Variants in SLC16A1 observed in about 807,000 individuals in gnomAD.
The protein encoded by SLC16A1 is monocarboxylate transporter 1.
In SLC16A1, 11 loss-of-function variants were observed where a neutral mutation model predicts 32.2. The observed-to-expected ratio is 0.34, with a 90% confidence interval of 0.21 to 0.56. The LOEUF (loss-of-function observed/expected upper bound fraction) is 0.56. SLC16A1 is among the 20% of genes least tolerant of loss of function. The pLI is 0.87. For missense variants in SLC16A1, 435 were observed against 615.0 expected, an observed-to-expected ratio of 0.71 and a Z score of 3.10; for synonymous variants, 231 against 226.8, an observed-to-expected ratio of 1.02 and a Z score of -0.17.
intron 1 of SLC16A1, among the ~76,000 whole-genome samples, chr1:112,954,259 G>T (rs1650001140): frequency 6.6e-6 from 1 of 152,184 alleles, no homozygotes; most frequent in Admixed American, 6.6e-5. Context: ...AAGGAGCTGA[G>T]AAATCTATTT....
chr1:112,926,040 G>A (rs1648928877), intron 2 of SLC16A1, among the ~76,000 whole-genome samples: 1 of 152,110 alleles, frequency 6.6e-6, no homozygotes, highest in South Asian at 2.1e-4. Context: ...ATTGTTGAAA[G>A]AATAAAAAAT....
At chr1:112,922,243 A>G in intron 2 of SLC16A1, 110 bp from the exon 3 acceptor site, 9 of 1,024,096 alleles carry the variant, frequency 8.8e-6, no homozygotes, top group Admixed American at 2.0e-5. Context: ...AGCAGCAATG[A>G]TAAGAATATT....
intron 3 of SLC16A1, among the ~76,000 whole-genome samples, chr1:112,920,057 A>C (rs1420739453): frequency 6.6e-6 from 1 of 152,248 alleles, no homozygotes; most frequent in Non-Finnish European, 1.5e-5. Flanking sequence ...GTTGTTGCTC[A>C]ATAAATATTT....
At chr1:112,954,755 C>T (rs573807948) in intron 1 of SLC16A1, among the ~76,000 whole-genome samples, 30 of 152,260 alleles carry the variant, frequency 2.0e-4, no homozygotes, top group South Asian at 1.2e-3. Flanking sequence ...AAATGAATTA[C>T]TGAAATATAT....
chr1:112,917,249 C>G lies in SLC16A1; in HGVS notation c.1157G>C (p.Arg386Thr), dbSNP rs773868602. 7.4e-6 allele frequency: 12 copies of G among 1,614,176 alleles called. No homozygotes were observed. The Admixed American group carries it at 1.0e-4, about 13-fold the overall frequency. The change falls in exon 4 of 5, where the codon AGG becomes ACG. Residue 386 changes from arginine (R) to threonine (T), a missense_variant. Physicochemically the swap from Arg to Thr is moderately conservative, Grantham distance 71 (BLOSUM62 -1). Transcript: ENST00000369626. The surrounding 1 kb of genome is among the most constrained non-coding windows in gnomAD (Gnocchi z 4.1). ...CACCAATCCCACAGCGCTGGAGAAC[C>G]TCTGGGGTCCAACAAGGTCCATCAA... is the stretch of plus-strand genomic sequence containing the variant. ...ETLMDLVGPQ[R>T]FSSAVGLVTI...
At position 112,914,053 on chromosome 1, in the gene SLC16A1, A is replaced by G; in HGVS notation, c.1341T>C (p.Leu447=). The G allele has an allele frequency of 6.2e-7, 1 of 1,614,138 alleles. No individual in the cohort carries two copies. The highest frequency in any genetic ancestry group is 1.3e-5 in the African/African-American group (1 of 75,024). Residue 447 remains leucine, a synonymous_variant, in exon 5 of 5, where the codon CTT becomes CTC. Coordinates refer to ENST00000369626, the MANE Select transcript of SLC16A1 (RefSeq NM_003051.4). ...CGTTTGCTTTCTGTTCTTTTGCCAA[A>G]AGTCGATAATTGATGCCCATGCCAA... ...LFIGMGINYR[L]LAKEQKANEQ... is the part of the protein sequence containing the mutation.
At position 112,918,265 on chromosome 1, in the gene SLC16A1, C is replaced by T. The variant is rs370336565; in HGVS notation, c.362-221G>A. ...CTCAGACATGTATACCCTCCTATGA[C>T]TGCTTCCTAATATGTAAAACGGGCA... On this transcript the variant is annotated intron_variant, in intron 3 of 4. Coordinates refer to ENST00000369626, the MANE Select transcript of SLC16A1 (RefSeq NM_003051.4). Among the ~76,000 whole-genome samples the T allele has an allele frequency of 1.5e-4, 23 of 152,278 alleles. No individual in the cohort carries two copies. The South Asian group carries it at 4.3e-3, about 29-fold the overall frequency.
intron 1 of SLC16A1, among the ~76,000 whole-genome samples, chr1:112,935,344 G>GGCAGAC (rs1001461701): frequency 3.7e-4 from 56 of 152,188 alleles, no homozygotes; most frequent in African/African-American, 1.4e-3. Flanking sequence ...GAACCTGGGA[G>GGCAGAC]GTTGCAGTGA....
chr1:112,941,628 A>ATTC (rs1394339147), intron 1 of SLC16A1, among the ~76,000 whole-genome samples: 2 of 152,130 alleles, frequency 1.3e-5, no homozygotes, highest in African/African-American at 4.8e-5. Context: ...CTTGGAGAGC[A>ATTC]TTCTCCAAAC....
chr1:112,951,131 C>T (rs1480755582), intron 1 of SLC16A1, among the ~76,000 whole-genome samples: 1 of 152,008 alleles, frequency 6.6e-6, no homozygotes, highest in Non-Finnish European at 1.5e-5. Flanking sequence ...AGGAACCAAA[C>T]ATGCCACCTA....
At position 112,917,956 on chromosome 1, in the gene SLC16A1, G is replaced by A; in HGVS notation, c.450C>T (p.Ala150=). 1 of 1,588,950 alleles carries A rather than the reference G, an allele frequency of 6.3e-7. No individual in the cohort carries two copies. Among genetic ancestry groups the A allele is most frequent in the Non-Finnish European group, 8.5e-7 (1 of 1,173,530 alleles). The part of the protein sequence containing the change: ...YKRRPLANGL[A]MAGSPVFLCT... Reference sequence around the variant, plus strand: ...AGAGGAACACAGGGCTGCCTGCCATGGCCAGTCCGTTGGCCAATGGTCGCC... The same window carrying A: ...AGAGGAACACAGGGCTGCCTGCCATAGCCAGTCCGTTGGCCAATGGTCGCC... The change falls in exon 4 of 5, where the codon GCC becomes GCT. Residue 150 remains alanine (A), a synonymous_variant. Transcript: ENST00000369626. This position sits in a 1 kb window ranked among gnomAD's most constrained non-coding sequence, Gnocchi z 4.1.
At chr1:112,914,548 TTC>T (rs1480990134) in intron 4 of SLC16A1, among the ~76,000 whole-genome samples, 1 of 152,214 alleles carries the variant, frequency 6.6e-6, no homozygotes, top group Non-Finnish European at 1.5e-5. Flanking sequence ...CCAATGCTCT[TTC>T]TCTCTCAGCA....
rs1052671233 is a variant in SLC16A1 at position 112,924,017 on chromosome 1, C to A, written c.218-1884G>T. The A allele has an allele frequency of 3.0e-6, 4 of 1,345,966 alleles. No individual in the cohort carries two copies. The South Asian group carries it at 4.7e-5, about 16-fold the overall frequency. 83.4% of individuals were successfully genotyped at this position (1,345,966 alleles called of 1,614,324 possible). On this transcript the variant is annotated intron_variant, in intron 2 of 4. Coordinates refer to ENST00000369626, the MANE Select transcript of SLC16A1 (RefSeq NM_003051.4). Reference sequence around the variant, plus strand: ...ACAGGAAACAGCCCATGGGCCGCTTCTTTGGGACTCAATGGGCAGAGATCT... The same window carrying A: ...ACAGGAAACAGCCCATGGGCCGCTTATTTGGGACTCAATGGGCAGAGATCT...
At chr1:112,949,731 G>C (rs1055880066) in intron 1 of SLC16A1, among the ~76,000 whole-genome samples, 1 of 151,622 alleles carries the variant, frequency 6.6e-6, no homozygotes, top group African/African-American at 2.4e-5. Flanking sequence ...ATAGAGACAG[G>C]GTTTCGCCAT....
intron 2 of SLC16A1, among the ~76,000 whole-genome samples, chr1:112,927,036 G>A (rs969767034): frequency 6.6e-6 from 1 of 151,088 alleles, no homozygotes. Flanking sequence ...TGAGGCAGGA[G>A]GATGGTTTGA....
intron 1 of SLC16A1, among the ~76,000 whole-genome samples, chr1:112,935,417 AG>A (rs1331958433): frequency 1.3e-5 from 2 of 152,180 alleles, no homozygotes; most frequent in African/African-American, 4.8e-5. Flanking sequence ...CAAAAAAAAA[AG>A]TAAAGTCAGT....
chr1:112,919,569 A>C (rs950231619), intron 3 of SLC16A1, among the ~76,000 whole-genome samples: 3 of 152,364 alleles, frequency 2.0e-5, no homozygotes, highest in Middle Eastern at 3.4e-3. Context: ...TTCGTCAGTG[A>C]AAGTGCAGAA....
At position 112,930,533 on chromosome 1, in the gene SLC16A1, T is replaced by C. The variant is rs528914169; in HGVS notation, c.-44-1181A>G. Reference sequence around the variant, plus strand: ...CAGAAAAAGCTTTAGAGTCATAGTATTGCCCATAATTTTTTGTAGCTTAAA... The same window carrying C: ...CAGAAAAAGCTTTAGAGTCATAGTACTGCCCATAATTTTTTGTAGCTTAAA... On this transcript the variant is annotated intron_variant, in intron 1 of 4. Transcript: ENST00000369626. Among the ~76,000 whole-genome samples, 109 of 152,296 alleles carry C rather than the reference T, an allele frequency of 7.2e-4. 1 individual carries two copies. In the South Asian group the frequency reaches 0.016, roughly 22 times the overall value.
At chr1:112,948,237 A>G (rs1000126291) in intron 1 of SLC16A1, among the ~76,000 whole-genome samples, 1 of 148,728 alleles carries the variant, frequency 6.7e-6, no homozygotes, top group Non-Finnish European at 1.5e-5. Context: ...GGCGGGGGAG[A>G]AAAAAAAAAG....
Sources: allele counts gnomAD v4.1 joint callset (sites outside exome capture counted in the v4.1 genomes callset), GRCh38; gene constraint gnomAD v4.1.1; non-coding constraint Gnocchi (gnomAD v3.1); transcripts MANE v1.5; gene names NCBI Gene and HGNC (gene_info 2026-07-23, HGNC 2026-07-21).